The following MCM8 variants were observed in gnomAD, a reference collection of about 807,000 sequenced individuals.
MCM8 encodes DNA helicase MCM8.
MCM8 carries 85 observed loss-of-function variants against 98.9 expected under a neutral mutation model. The observed-to-expected ratio is 0.86, with a 90% confidence interval of 0.72 to 1.03. The LOEUF (loss-of-function observed/expected upper bound fraction) is 1.03. MCM8 is among the 50% of genes least tolerant of loss of function. The pLI is 0.00. For synonymous variants in MCM8, 352 were observed against 338.6 expected (o/e 1.04, Z -0.44); for missense variants, 951 against 997.8 (o/e 0.95, Z 0.63).
In MCM8 at chr20:5,957,065, A is replaced by G. The variant is rs2122660822; in HGVS notation, c.487-61A>G. The G allele has an allele frequency of 8.9e-6, 9 of 1,007,744 alleles. No homozygotes were observed. In the East Asian group the frequency reaches 1.6e-4, roughly 18 times the overall value. The allele number at this position is 1,007,744 out of a possible 1,614,324, so 62.4% of individuals were successfully genotyped here. ...AACTTTATATTCTCTATAAAAATAG[A>G]GTTCTGTATAAAGAGGATGTTTTGT... On this transcript the variant is annotated intron_variant, in intron 5 of 18. Coordinates refer to ENST00000610722, the MANE Select transcript of MCM8 (RefSeq NM_032485.6).
chr20:5,994,672 G>C lies in MCM8; in HGVS notation c.*281G>C. On this transcript the variant is annotated 3_prime_UTR_variant, in exon 19 of 19. Coordinates refer to ENST00000610722, the MANE Select transcript of MCM8 (RefSeq NM_032485.6). ...ACAGTGACTCAGGAGGCTGAGGTGA[G>C]AGGATTCCTTGAGGCCAGGGTTCGA... 1 of 477,454 alleles carries C rather than the reference G, an allele frequency of 2.1e-6. No homozygotes were observed. The highest frequency in any genetic ancestry group is 4.0e-6 in the Non-Finnish European group (1 of 250,366). 29.6% of individuals were successfully genotyped at this position (477,454 alleles called of 1,614,324 possible).
At chr20:5,954,274 G>T (rs1320707186) in intron 3 of MCM8, among the ~76,000 whole-genome samples, 21 of 152,136 alleles carry the variant, frequency 1.4e-4, no homozygotes, top group Non-Finnish European at 2.9e-5. Context: ...TATGTGTCTG[G>T]CTTTGGCTTT....
chr20:5,995,019 C>A lies in MCM8; in HGVS notation c.*628C>A. The A allele has an allele frequency of 5.8e-6, 1 of 172,522 alleles. No homozygotes were observed. Among genetic ancestry groups the A allele is most frequent in the South Asian group, 1.2e-4 (1 of 8,252 alleles). 10.7% of individuals were successfully genotyped at this position (172,522 alleles called of 1,614,324 possible). A position where few individuals can be genotyped will look rare whatever the true frequency, so the allele number is the denominator to read the frequency against. ...AAATTTTTTATAGTTGTATTTTTGACCTGCCTTTTATATGTATGAATATTT... is the reference window on the plus strand; with the variant it reads ...AAATTTTTTATAGTTGTATTTTTGAACTGCCTTTTATATGTATGAATATTT... On this transcript the variant is annotated 3_prime_UTR_variant, in exon 19 of 19. Coordinates refer to ENST00000610722, the MANE Select transcript of MCM8 (RefSeq NM_032485.6).
intron 14 of MCM8, among the ~76,000 whole-genome samples, chr20:5,983,945 G>A (rs1457874037): frequency 6.6e-6 from 1 of 152,246 alleles, no homozygotes; most frequent in Non-Finnish European, 1.5e-5. Context: ...TAGTGATTAT[G>A]AGAACGAAAG....
chr20:5,952,461 A>G lies in MCM8; in HGVS notation c.186A>G (p.Pro62=). 1 of 1,614,110 alleles carries G rather than the reference A, an allele frequency of 6.2e-7. No homozygotes were observed. The highest frequency in any genetic ancestry group is 8.5e-7 in the Non-Finnish European group (1 of 1,180,000). Residue 62 remains proline, a synonymous_variant, in exon 3 of 19, where the codon CCA becomes CCG. Coordinates refer to ENST00000610722, the MANE Select transcript of MCM8 (RefSeq NM_032485.6). ...AGTTTTTGCTTTCAACAAAGACCCCACAGTCAATGCAGTCAACATTGGATC... is the reference window on the plus strand; with the variant it reads ...AGTTTTTGCTTTCAACAAAGACCCCGCAGTCAATGCAGTCAACATTGGATC... ...TPQFLLSTKT[P]QSMQSTLDRF... is the part of the protein sequence containing the mutation.
chr20:5,985,049 A>G, intron 15 of MCM8, 49 bp downstream of exon 15: 6 of 1,490,484 alleles, frequency 4.0e-6, no homozygotes, highest in Non-Finnish European at 5.6e-6. Flanking sequence ...TTGAATGTCA[A>G]AGTTCAGTGT....
chr20:5,970,519 A>G (rs2089379600), intron 10 of MCM8, among the ~76,000 whole-genome samples: 1 of 152,194 alleles, frequency 6.6e-6, no homozygotes, highest in African/African-American at 2.4e-5. Context: ...GACTGCCCCC[A>G]GGAGTATTAA....
chr20:5,967,399 G>C, intron 8 of MCM8, 37 bp from the exon 9 acceptor site: 3 of 1,586,386 alleles, frequency 1.9e-6, no homozygotes, highest in Non-Finnish European at 2.6e-6. Context: ...ACCATCCAAA[G>C]TAAGTATTCT....
chr20:5,956,582 T>G (rs2088987788), intron 5 of MCM8, among the ~76,000 whole-genome samples: 1 of 152,032 alleles, frequency 6.6e-6, no homozygotes, highest in African/African-American at 2.4e-5. Flanking sequence ...TTAGTAGAGA[T>G]GGGGTTTCAC....
chr20:5,993,371 TA>T, intron 17 of MCM8, 134 bp from the exon 18 acceptor site: 1 of 546,510 alleles, frequency 1.8e-6, no homozygotes, highest in Non-Finnish European at 3.0e-6. Flanking sequence ...GGCCCCTCAA[TA>T]AACACATGTT....
chr20:5,960,923 G>A (rs933757769), intron 7 of MCM8, among the ~76,000 whole-genome samples: 3 of 152,136 alleles, frequency 2.0e-5, no homozygotes, highest in African/African-American at 4.8e-5. Context: ...CAGTAAGAGC[G>A]AAACTCCGCC....
chr20:5,955,374 G>T, intron 5 of MCM8, 123 bp downstream of exon 5: 1 of 895,574 alleles, frequency 1.1e-6, no homozygotes. Context: ...GAGATACTTA[G>T]CTTTTACGAA....
chr20:5,983,308 G>T (rs569802624), intron 14 of MCM8, 143 bp downstream of exon 14: 3 of 684,994 alleles, frequency 4.4e-6, no homozygotes, highest in Non-Finnish European at 7.1e-6. Flanking sequence ...ACAAAAATGT[G>T]CTTAAACACT....
At chr20:5,958,347 A>G (rs113380228) in intron 6 of MCM8, among the ~76,000 whole-genome samples, 181 bp from the exon 7 acceptor site, 3,673 of 152,332 alleles carry the variant, frequency 0.024, 127 homozygotes, top group African/African-American at 0.077. Context: ...CCAGCCTGGC[A>G]ACAGAGCGAG....
rs969607017 is a variant in MCM8, at chr20:5,981,442, G to C, written c.1538-1528G>C. Among the ~76,000 whole-genome samples the C allele has an allele frequency of 5.3e-5, 8 of 152,278 alleles. No individual in the cohort carries two copies. The South Asian group carries it at 1.4e-3, about 28-fold the overall frequency. On this transcript the variant is annotated intron_variant, in intron 13 of 18. Coordinates refer to ENST00000610722, the MANE Select transcript of MCM8 (RefSeq NM_032485.6). ...AATATGGGACACATTCCCAACAGAG[G>C]GGGGTGAACTCTCAGAAGAGATCAG...
chr20:5,958,686 G>A lies in MCM8; in HGVS notation c.749G>A (p.Ser250Asn), dbSNP rs1319277605. 6.2e-7 allele frequency: 1 copy of A among 1,614,088 alleles called. No homozygotes were observed. The highest frequency in any genetic ancestry group is 1.7e-5 in the Admixed American group (1 of 60,024). Residue 250 changes from serine (S) to asparagine (N), a missense_variant, in exon 7 of 19, where the codon AGC becomes AAC. By Grantham distance (46) the Ser-to-Asn change is conservative. Coordinates refer to ENST00000610722, the MANE Select transcript of MCM8 (RefSeq NM_032485.6). ...FLCAACGEIQ[S>N]FPLPDGKYSL... ...TGTGCTGCATGTGGAGAAATTCAGA[G>A]CTTTCCTCTTCCAGATGGAAAATAC... is the stretch of plus-strand genomic sequence containing the variant.
intron 12 of MCM8, among the ~76,000 whole-genome samples, chr20:5,977,553 G>A (rs185046865): frequency 5.9e-4 from 90 of 152,230 alleles, no homozygotes; most frequent in Non-Finnish European, 1.0e-3. Flanking sequence ...TTTGCTTTTC[G>A]AACTTGAAAA....
At chr20:5,988,120 A>C (rs190565951) in intron 17 of MCM8, among the ~76,000 whole-genome samples, 1 of 152,044 alleles carries the variant, frequency 6.6e-6, no homozygotes, top group South Asian at 2.1e-4. Context: ...AGATAAAAAA[A>C]TTTTTTTAAT....
chr20:5,973,741 G>T (rs186996627), intron 12 of MCM8, among the ~76,000 whole-genome samples: 2 of 152,116 alleles, frequency 1.3e-5, no homozygotes, highest in Admixed American at 1.3e-4. Flanking sequence ...TGCAACCTCT[G>T]CCTCCCACTT....
Sources: gnomAD v4.1 joint callset for allele counts (sites outside exome capture counted in the v4.1 genomes callset) on GRCh38, gnomAD v4.1.1 for gene constraint, MANE v1.5 for transcripts, NCBI Gene and HGNC (gene_info 2026-07-23, HGNC 2026-07-21) for gene names.